GNS: variants seen among roughly 807,000 people sequenced by gnomAD.
GNS encodes the protein glucosamine (N-acetyl)-6-sulfatase, also known as N-acetylglucosamine-6-sulfatase.
A neutral mutation model predicts 69.7 loss-of-function variants in GNS; 40 were observed. The ratio of observed to expected loss-of-function variants is 0.57; its 90% CI spans 0.45 to 0.75. GNS has a LOEUF of 0.75. GNS is among the 30% of genes least tolerant of loss of function. GNS has a pLI of 0.00. For synonymous variants in GNS, 243 were observed against 251.6 expected, an observed-to-expected ratio of 0.97 and a Z score of 0.32; for missense variants, 565 against 685.5, an observed-to-expected ratio of 0.82 and a Z score of 1.96.
intron 1 of GNS, among the ~76,000 whole-genome samples, chr12:64,753,597 GCA>G (rs1489471619): frequency 6.6e-6 from 1 of 152,156 alleles, no homozygotes; most frequent in Non-Finnish European, 1.5e-5. Flanking sequence ...CATATTGAAT[GCA>G]GTTTTAAGTA....
chr12:64,728,311 G>A (rs1024472727), intron 10 of GNS, among the ~76,000 whole-genome samples: 2 of 152,228 alleles, frequency 1.3e-5, no homozygotes, highest in African/African-American at 2.4e-5. Flanking sequence ...CAGATGCACA[G>A]TAAGACCAAA....
chr12:64,733,579 C>T (rs1160700751), intron 9 of GNS, among the ~76,000 whole-genome samples: 1 of 152,182 alleles, frequency 6.6e-6, no homozygotes, highest in Admixed American at 6.5e-5. Flanking sequence ...AGTGCAGAAT[C>T]CCATATCTTG....
In GNS at chr12:64,736,972, C is replaced by T. The variant is rs567183752; in HGVS notation, c.1098+32G>A. Reference sequence around the variant, plus strand: ...CTTATTTTCTCAGGCAAGTGCCTACCTGTCCACAGCACCAGCTTGTCAGGC... The same window carrying T: ...CTTATTTTCTCAGGCAAGTGCCTACTTGTCCACAGCACCAGCTTGTCAGGC... On this transcript the variant is annotated intron_variant, in intron 9 of 13. Coordinates refer to ENST00000258145, the MANE Select transcript of GNS (RefSeq NM_002076.4). 10 of 1,055,186 alleles carry T rather than the reference C, an allele frequency of 9.5e-6. No homozygotes were observed. The South Asian group carries it at 1.0e-4, about 11-fold the overall frequency. 65.4% of individuals were successfully genotyped at this position (1,055,186 alleles called of 1,614,324 possible).
chr12:64,747,807 A>C lies in GNS; in HGVS notation c.364T>G (p.Ser122Ala). The part of the protein sequence containing the change: ...NTLEGNCSSK[S>A]WQKIQEPNTF... Reference sequence around the variant, plus strand: ...TTTGGTTCTTGGATCTTCTGCCAGGACTTACTACTGCAGTTCCCCTCCAGA... The same window carrying C: ...TTTGGTTCTTGGATCTTCTGCCAGGCCTTACTACTGCAGTTCCCCTCCAGA... The change falls in exon 3 of 14, where the codon TCC (serine) becomes GCC (alanine). Residue 122 changes from serine (S) to alanine (A), a missense_variant. Ser to Ala is a moderately conservative substitution (Grantham distance 99, BLOSUM62 1). This residue lies in a region of GNS where 181 missense variants were observed against 174.4 expected (regional missense o/e 1.04). Transcript: ENST00000258145. 6.2e-7 allele frequency: 1 copy of C among 1,609,582 alleles called. No homozygotes were observed. Among genetic ancestry groups the C allele is most frequent in the Non-Finnish European group, 8.5e-7 (1 of 1,175,778 alleles).
In GNS at chr12:64,732,165, TG is replaced by T. The variant is rs1317353083; in HGVS notation, c.1099-3109del. On this transcript the variant is annotated intron_variant, in intron 9 of 13. Transcript: ENST00000258145. ...CCACACCTGGCTAATTTTTTTTTTT[TG>T]TTGTTTTTTTTTTTTTTTTGAGACG... 9.4e-3 allele frequency among the ~76,000 whole-genome samples: 567 copies of T among 60,198 alleles called. 66 individuals are homozygous for T. The highest frequency in any genetic ancestry group is 0.039 in the African/African-American group (427 of 10,962). 39.5% of individuals were successfully genotyped at this position (60,198 alleles called of 152,430 possible). A position where few individuals can be genotyped will look rare whatever the true frequency, so the allele number is the denominator to read the frequency against.
chr12:64,723,373 G>C (rs554476863), intron 10 of GNS, among the ~76,000 whole-genome samples: 2 of 152,194 alleles, frequency 1.3e-5, no homozygotes, highest in South Asian at 4.1e-4. Flanking sequence ...ATCAGGTCAG[G>C]AATGGAACCT....
intron 1 of GNS, chr12:64,752,958 G>A (rs1032883709): frequency 3.4e-6 from 2 of 591,024 alleles, no homozygotes; most frequent in Non-Finnish European, 6.0e-6. Flanking sequence ...AGTGCAGGAA[G>A]TCAAAATGCT....
At chr12:64,724,748 C>G (rs2136238630) in intron 10 of GNS, among the ~76,000 whole-genome samples, 1 of 152,294 alleles carries the variant, frequency 6.6e-6, no homozygotes, top group Non-Finnish European at 1.5e-5. Flanking sequence ...GTGGTCCCAG[C>G]TACTTGGGAG....
At chr12:64,758,113 T>C (rs1281196662) in intron 1 of GNS, among the ~76,000 whole-genome samples, 1 of 152,068 alleles carries the variant, frequency 6.6e-6, no homozygotes, top group African/African-American at 2.4e-5. Flanking sequence ...AATTCTGCAA[T>C]ACACAAGCAA....
intron 1 of GNS, among the ~76,000 whole-genome samples, chr12:64,758,575 G>A (rs1870351801): frequency 6.6e-6 from 1 of 151,850 alleles, no homozygotes; most frequent in Non-Finnish European, 1.5e-5. Context: ...CGCCCGCCTC[G>A]GCCTCCCAAA....
intron 9 of GNS, among the ~76,000 whole-genome samples, chr12:64,734,470 AAG>A (rs1170588290): frequency 6.6e-6 from 1 of 152,180 alleles, no homozygotes; most frequent in Non-Finnish European, 1.5e-5. Context: ...CAAAGCCCTA[AAG>A]GACAATTAAC....
In GNS at chr12:64,753,009, G is replaced by T. The variant is rs142206273; in HGVS notation, c.193-252C>A. 5.8e-4 allele frequency: 313 copies of T among 542,236 alleles called. 1 individual carries two copies. In the East Asian group the frequency reaches 9.4e-3, roughly 16 times the overall value. 33.6% of individuals were successfully genotyped at this position (542,236 alleles called of 1,614,324 possible). A position where few individuals can be genotyped will look rare whatever the true frequency, so the allele number is the denominator to read the frequency against. Reference sequence around the variant, plus strand: ...TTCAGTTGATGGCAATAACATCTTTGTGCCCTTATTAGTCATCAGCGCCCA... The same window carrying T: ...TTCAGTTGATGGCAATAACATCTTTTTGCCCTTATTAGTCATCAGCGCCCA... On this transcript the variant is annotated intron_variant, in intron 1 of 13. Coordinates refer to ENST00000258145, the MANE Select transcript of GNS (RefSeq NM_002076.4).
intron 9 of GNS, among the ~76,000 whole-genome samples, chr12:64,730,610 T>C (rs893862027): frequency 2.0e-5 from 3 of 151,998 alleles, no homozygotes; most frequent in Non-Finnish European, 2.9e-5. Context: ...AGAAAGGCAA[T>C]CCATATGTTA....
At chr12:64,723,226 T>A in intron 10 of GNS, 113 bp from the exon 11 acceptor site, 1 of 727,874 alleles carries the variant, frequency 1.4e-6, no homozygotes, top group Non-Finnish European at 2.5e-6. Flanking sequence ...GACTGTTCAT[T>A]CAGTAACTAA....
intron 6 of GNS, among the ~76,000 whole-genome samples, chr12:64,742,502 C>T (rs1438293185): frequency 6.6e-6 from 1 of 152,200 alleles, no homozygotes; most frequent in East Asian, 1.9e-4. Context: ...TGCTCATAGT[C>T]TGTACTGAGC....
At chr12:64,758,685 C>A (rs1870356515) in intron 1 of GNS, among the ~76,000 whole-genome samples, 1 of 152,094 alleles carries the variant, frequency 6.6e-6, no homozygotes, top group African/African-American at 2.4e-5. Flanking sequence ...TGGAGGTGGT[C>A]TAGGTCCCTC....
chr12:64,758,309 C>CTTTTTTTTT lies in GNS; in HGVS notation c.192+767_192+775dup, dbSNP rs139394351. Among the ~76,000 whole-genome samples, 3 of 67,368 alleles carry CTTTTTTTTT rather than the reference C, an allele frequency of 4.5e-5. 1 individual carries two copies. The highest frequency in any genetic ancestry group is 8.2e-5 in the Non-Finnish European group (3 of 36,616). 44.2% of individuals were successfully genotyped at this position (67,368 alleles called of 152,430 possible). A position where few individuals can be genotyped will look rare whatever the true frequency, so the allele number is the denominator to read the frequency against. On this transcript the variant is annotated intron_variant, in intron 1 of 13. Coordinates refer to ENST00000258145, the MANE Select transcript of GNS (RefSeq NM_002076.4). ...CCTACCAGATTAGTTCACTTCAGGC[C>CTTTTTTTTT]TTTTTTTTTTTTTTTTTTTTTTTTT...
At chr12:64,757,071 A>G (rs1398635222) in intron 1 of GNS, among the ~76,000 whole-genome samples, 1 of 152,124 alleles carries the variant, frequency 6.6e-6, no homozygotes, top group African/African-American at 2.4e-5. Flanking sequence ...TCCAGCTACT[A>G]GGGAGACTGA....
intron 1 of GNS, among the ~76,000 whole-genome samples, chr12:64,754,612 G>A (rs190088228): frequency 8.7e-4 from 132 of 152,196 alleles, no homozygotes; most frequent in African/African-American, 2.8e-3. Context: ...CTTTAGGCCC[G>A]GTGCAGTGGC....
Sources: allele counts gnomAD v4.1 joint callset (sites outside exome capture counted in the v4.1 genomes callset), GRCh38; gene constraint gnomAD v4.1.1; regional missense constraint gnomAD v4.1.1; transcripts MANE v1.5; gene names NCBI Gene and HGNC (gene_info 2026-07-23, HGNC 2026-07-21).